The following DSCAM variants were observed in gnomAD, a reference collection of about 807,000 sequenced individuals.
DSCAM encodes the protein DS cell adhesion molecule, also known as cell adhesion molecule DSCAM.
A neutral mutation model predicts 217.7 loss-of-function variants in DSCAM; 47 were observed. The observed-to-expected ratio is 0.22, with a 90% CI of 0.17 to 0.28. The LOEUF (loss-of-function observed/expected upper bound fraction) is 0.28, where lower values mean the gene tolerates loss of function less well. Ranked by LOEUF, DSCAM falls within the 10% of genes least tolerant of loss-of-function variation. DSCAM has a pLI of 1.00. For synonymous variants in DSCAM, 1,056 were observed against 1,015.3 expected, an observed-to-expected ratio of 1.04 and a Z score of -0.76; for missense variants, 2,080 against 2,618.3, an observed-to-expected ratio of 0.79 and a Z score of 4.49.
At chr21:40,024,246 A>C (rs1489216535) in intron 32 of DSCAM, among the ~76,000 whole-genome samples, 2 of 92,296 alleles carry the variant, frequency 2.2e-5, no homozygotes, top group East Asian at 5.8e-4. Flanking sequence ...TTTTGGTACC[A>C]GTACCATGCT....
At chr21:40,793,941 T>G (rs2091669111) in intron 1 of DSCAM, among the ~76,000 whole-genome samples, 1 of 152,174 alleles carries the variant, frequency 6.6e-6, no homozygotes, top group Admixed American at 6.5e-5. Flanking sequence ...GCTTATTAGT[T>G]TTGTTGTTTG....
At chr21:40,369,296 A>G in intron 3 of DSCAM, 51 bp from the exon 4 acceptor site, 1 of 1,557,426 alleles carries the variant, frequency 6.4e-7, no homozygotes, top group South Asian at 1.2e-5. Context: ...AAAGCAACCC[A>G]ACCACACAGA....
At chr21:40,791,266 A>T (rs1395154372) in intron 1 of DSCAM, among the ~76,000 whole-genome samples, 1 of 152,168 alleles carries the variant, frequency 6.6e-6, no homozygotes, top group Non-Finnish European at 1.5e-5. Context: ...GGTTGTGTTT[A>T]TGTCTATCTT....
intron 1 of DSCAM, among the ~76,000 whole-genome samples, chr21:40,797,585 A>G (rs1320835528): frequency 6.6e-6 from 1 of 152,190 alleles, no homozygotes; most frequent in African/African-American, 2.4e-5. Context: ...CATCAAAATT[A>G]CTGCAAAATG....
chr21:40,364,324 T>C (rs945422770), intron 4 of DSCAM, among the ~76,000 whole-genome samples: 1 of 152,012 alleles, frequency 6.6e-6, no homozygotes, highest in Non-Finnish European at 1.5e-5. Context: ...GTGGCACATA[T>C]ACACCATGGA....
chr21:40,174,801 G>T (rs1237584247), intron 15 of DSCAM, among the ~76,000 whole-genome samples: 2 of 152,112 alleles, frequency 1.3e-5, no homozygotes, highest in Non-Finnish European at 1.5e-5. Context: ...TAAAAGTTTC[G>T]CACAACACTG....
intron 27 of DSCAM, among the ~76,000 whole-genome samples, chr21:40,069,325 G>T (rs1054125443): frequency 1.3e-5 from 2 of 152,110 alleles, no homozygotes; most frequent in Non-Finnish European, 2.9e-5. Flanking sequence ...TCCCAGCTTG[G>T]TCTTGCCCAG....
At chr21:40,412,894 A>G (rs1342934400) in intron 3 of DSCAM, among the ~76,000 whole-genome samples, 2 of 152,204 alleles carry the variant, frequency 1.3e-5, no homozygotes, top group African/African-American at 2.4e-5. Context: ...GGCCAAGCCC[A>G]AGGTCTCTGT....
chr21:40,680,446 A>G (rs1375274262), intron 3 of DSCAM, among the ~76,000 whole-genome samples: 1 of 152,200 alleles, frequency 6.6e-6, no homozygotes, highest in Admixed American at 6.5e-5. Flanking sequence ...GTAGGGACCC[A>G]AAGCCAGGCT....
At chr21:40,163,596 T>C (rs535275580) in intron 16 of DSCAM, among the ~76,000 whole-genome samples, 6 of 152,008 alleles carry the variant, frequency 3.9e-5, no homozygotes, top group African/African-American at 1.2e-4. Context: ...ATATAGCCTA[T>C]AGAAAGATAT....
At chr21:40,296,276 A>G in intron 9 of DSCAM, 102 bp from the exon 10 acceptor site, 5 of 1,370,986 alleles carry the variant, frequency 3.6e-6, no homozygotes, top group Non-Finnish European at 5.0e-6. Flanking sequence ...TTAAAATATG[A>G]AGACTGTTTC....
At chr21:40,290,245 C>T (rs982354893) in intron 10 of DSCAM, among the ~76,000 whole-genome samples, 6 of 152,106 alleles carry the variant, frequency 3.9e-5, no homozygotes, top group African/African-American at 1.4e-4. Context: ...TTAAAATAAC[C>T]TGAATCTACA....
At chr21:40,140,428 T>C (rs1309502683) in intron 18 of DSCAM, among the ~76,000 whole-genome samples, 5 of 152,224 alleles carry the variant, frequency 3.3e-5, no homozygotes, top group African/African-American at 4.8e-5. Flanking sequence ...AGAATGAAGA[T>C]ACCAGCAGGC....
intron 3 of DSCAM, among the ~76,000 whole-genome samples, chr21:40,685,410 G>T (rs1403640192): frequency 6.6e-6 from 1 of 152,170 alleles, no homozygotes; most frequent in Non-Finnish European, 1.5e-5. Flanking sequence ...CTTCCTTGGG[G>T]AGTCTGGAAC....
At chr21:40,602,578 T>G (rs1210442428) in intron 3 of DSCAM, among the ~76,000 whole-genome samples, 1 of 152,198 alleles carries the variant, frequency 6.6e-6, no homozygotes, top group Non-Finnish European at 1.5e-5. Context: ...GAAATTAGTT[T>G]ATTTCATCCA....
At chr21:40,057,629 G>T (rs569276875) in intron 28 of DSCAM, among the ~76,000 whole-genome samples, 9 of 152,294 alleles carry the variant, frequency 5.9e-5, no homozygotes, top group Non-Finnish European at 1.2e-4. Context: ...CTACCAGATT[G>T]CCACAGGAAG....
At chr21:40,019,945 C>A (rs1461350447) in intron 32 of DSCAM, among the ~76,000 whole-genome samples, 2 of 152,180 alleles carry the variant, frequency 1.3e-5, no homozygotes, top group Non-Finnish European at 2.9e-5. Context: ...TCCTTCTTTC[C>A]CTTCCTCCTG....
At position 40,265,876 on chromosome 21, in the gene DSCAM, T is replaced by C. The variant is rs573148839; in HGVS notation, c.2356+10221A>G. Among the ~76,000 whole-genome samples the C allele has an allele frequency of 6.6e-5, 10 of 152,256 alleles. No individual in the cohort carries two copies. The East Asian group carries it at 1.9e-3, about 29-fold the overall frequency. ...AATTAACTCAAGGTGGATTAAAGAC[T>C]TAAATATAAAACCTGAAACCATAAA... is the stretch of plus-strand genomic sequence containing the variant. On this transcript the variant is annotated intron_variant, in intron 11 of 32. Coordinates refer to ENST00000400454, the MANE Select transcript of DSCAM (RefSeq NM_001389.5).
intron 8 of DSCAM, among the ~76,000 whole-genome samples, chr21:40,328,065 T>C (rs2074337033): frequency 6.6e-6 from 1 of 152,140 alleles, no homozygotes; most frequent in Non-Finnish European, 1.5e-5. Context: ...ATGCCCATCT[T>C]ACCTGAAGTG....
Sources: gnomAD v4.1 joint callset for allele counts (sites outside exome capture counted in the v4.1 genomes callset) on GRCh38, gnomAD v4.1.1 for gene constraint, MANE v1.5 for transcripts, NCBI Gene and HGNC (gene_info 2026-07-23, HGNC 2026-07-21) for gene names.